The following CEP162 variants were observed in gnomAD, a reference collection of about 807,000 sequenced individuals.
The protein encoded by CEP162 is centrosomal protein of 162 kDa.
Under a neutral mutation model 169.2 loss-of-function variants are expected in CEP162, and 141 were observed. The ratio of observed to expected loss-of-function variants is 0.83; its 90% CI spans 0.73 to 0.96. The LOEUF (loss-of-function observed/expected upper bound fraction) is 0.96. CEP162 is among the 40% of genes least tolerant of loss of function. The pLI, the probability that CEP162 is intolerant of heterozygous loss-of-function variation, is 0.00. For missense variants in CEP162, 1,600 were observed against 1,587.2 expected (o/e 1.01, Z -0.14); for synonymous variants, 540 against 526.4 (o/e 1.03, Z -0.35).
intron 13 of CEP162, among the ~76,000 whole-genome samples, chr6:84,178,728 T>C (rs2099533438): frequency 6.6e-6 from 1 of 152,180 alleles, no homozygotes; most frequent in African/African-American, 2.4e-5. Context: ...GTTACATATG[T>C]ATACATGTTC....
Position 84,200,777 on chromosome 6 carries a change from A to G in CEP162, c.835+12T>C. ...ATATTTAGAGAACAGTCAGGTTTCT[A>G]AACATTTTTACCTGTTCCTGTCATT... is the stretch of plus-strand genomic sequence containing the variant. On this transcript the variant is annotated intron_variant, in intron 9 of 26. Coordinates refer to ENST00000403245, the MANE Select transcript of CEP162 (RefSeq NM_014895.4). 7.0e-7 allele frequency: 1 copy of G among 1,435,376 alleles called. No homozygotes were observed. Among genetic ancestry groups the G allele is most frequent in the Non-Finnish European group, 9.8e-7 (1 of 1,018,496 alleles). The allele number at this position is 1,435,376 out of a possible 1,614,324, so 88.9% of individuals were successfully genotyped here.
At chr6:84,135,540 C>T (rs1051433037) in intron 25 of CEP162, among the ~76,000 whole-genome samples, 2 of 152,152 alleles carry the variant, frequency 1.3e-5, no homozygotes, top group South Asian at 2.1e-4. Context: ...TTAAACTGAA[C>T]CACAAAATTA....
At chr6:84,177,461 T>C (rs1173392736) in intron 13 of CEP162, among the ~76,000 whole-genome samples, 1 of 152,204 alleles carries the variant, frequency 6.6e-6, no homozygotes, top group African/African-American at 2.4e-5. Flanking sequence ...AGGCCAGATC[T>C]GCTGGATGTT....
At chr6:84,207,706 TA>T (rs1008795462) in intron 6 of CEP162, among the ~76,000 whole-genome samples, 2 of 134,670 alleles carry the variant, frequency 1.5e-5, no homozygotes, top group Non-Finnish European at 3.0e-5. Context: ...CCCTAGAACT[TA>T]AAGTATAAAA....
intron 25 of CEP162, among the ~76,000 whole-genome samples, chr6:84,132,529 G>GACT: frequency 6.6e-6 from 1 of 152,222 alleles, no homozygotes; most frequent in South Asian, 2.1e-4. Context: ...TTTCTTGGAG[G>GACT]CTTTGTTCAT....
intron 6 of CEP162, among the ~76,000 whole-genome samples, chr6:84,211,631 A>G (rs975555696): frequency 5.3e-5 from 8 of 151,918 alleles, no homozygotes; most frequent in African/African-American, 1.9e-4. Context: ...TTCTATTGTG[A>G]ACAGTGAAGC....
intron 6 of CEP162, among the ~76,000 whole-genome samples, chr6:84,212,107 T>A (rs1209343490): frequency 6.6e-6 from 1 of 152,024 alleles, no homozygotes. Context: ...GCAGAGTATA[T>A]TTTCAGACAA....
chr6:84,215,637 A>T, intron 4 of CEP162, 139 bp downstream of exon 4: 1 of 1,250,598 alleles, frequency 8.0e-7, no homozygotes, highest in Non-Finnish European at 1.1e-6. Flanking sequence ...AAGCTTCTCT[A>T]GAATAATTCT....
chr6:84,187,192 C>T (rs143061578), intron 11 of CEP162, among the ~76,000 whole-genome samples: 56 of 152,056 alleles, frequency 3.7e-4, no homozygotes, highest in African/African-American at 1.3e-3. Flanking sequence ...TGGTTTAAAA[C>T]ACTTAAATGT....
rs2099525249 is a variant in CEP162 at position 84,160,311 on chromosome 6, A to G, written c.2781+501T>C. Among the ~76,000 whole-genome samples, 3 of 152,238 alleles carry G rather than the reference A, an allele frequency of 2.0e-5. No individual in the cohort carries two copies. In the South Asian group the frequency reaches 6.2e-4, roughly 32 times the overall value. ...TTCACTTTATGATTAAAGGTCTCCC[A>G]CACTGACCACAAAATGAGTATTTCT... is the stretch of plus-strand genomic sequence containing the variant. On this transcript the variant is annotated intron_variant, in intron 21 of 26. Coordinates refer to ENST00000403245, the MANE Select transcript of CEP162 (RefSeq NM_014895.4).
At chr6:84,196,356 C>T (rs1588852783) in intron 9 of CEP162, among the ~76,000 whole-genome samples, 2 of 152,206 alleles carry the variant, frequency 1.3e-5, no homozygotes, top group East Asian at 1.9e-4. Flanking sequence ...ATTCCCCAGC[C>T]ATGTGGAACT....
chr6:84,128,669 T>C (rs891873505), intron 25 of CEP162, among the ~76,000 whole-genome samples: 1 of 152,132 alleles, frequency 6.6e-6, no homozygotes, highest in Non-Finnish European at 1.5e-5. Flanking sequence ...ATAAAACACT[T>C]TGCACAGTTC....
intron 2 of CEP162, among the ~76,000 whole-genome samples, chr6:84,226,078 TAG>T (rs1341159880): frequency 2.0e-5 from 3 of 148,662 alleles, no homozygotes; most frequent in East Asian, 4.3e-4. Flanking sequence ...GGGAGACCAA[TAG>T]AGTCTTTTAC....
chr6:84,182,103 C>T (rs183492974), intron 13 of CEP162, among the ~76,000 whole-genome samples: 2 of 151,888 alleles, frequency 1.3e-5, no homozygotes, highest in African/African-American at 4.8e-5. Flanking sequence ...AAAGTGTAAT[C>T]TCATTCTTAT....
chr6:84,157,854 C>T (rs997831787), intron 21 of CEP162, among the ~76,000 whole-genome samples: 3 of 152,136 alleles, frequency 2.0e-5, no homozygotes, highest in African/African-American at 7.2e-5. Context: ...TTCCTAAGCA[C>T]CTGACTCTGC....
intron 23 of CEP162, among the ~76,000 whole-genome samples, chr6:84,151,827 G>C (rs796396559): frequency 2.0e-5 from 3 of 152,132 alleles, no homozygotes; most frequent in African/African-American, 7.2e-5. Context: ...AAATGAGGAA[G>C]GAGAAAATGC....
At chr6:84,153,710 C>T (rs1290662029) in intron 22 of CEP162, among the ~76,000 whole-genome samples, 2 of 152,276 alleles carry the variant, frequency 1.3e-5, no homozygotes, top group South Asian at 2.1e-4. Context: ...GAGGGAGGCA[C>T]GAGCAGTGTT....
chr6:84,189,026 CT>C (rs1429191368), intron 11 of CEP162, among the ~76,000 whole-genome samples: 1 of 151,564 alleles, frequency 6.6e-6, no homozygotes, highest in Non-Finnish European at 1.5e-5. Flanking sequence ...TGCACGTCTT[CT>C]TTTGAAAAAT....
chr6:84,124,632 T>G lies in CEP162; in HGVS notation c.*438A>C. On this transcript the variant is annotated 3_prime_UTR_variant, in exon 27 of 27. Coordinates refer to ENST00000403245, the MANE Select transcript of CEP162 (RefSeq NM_014895.4). ...GAAAAATTACCTGTTGGGTACAGTGTTTAATATTTGGATGATGGGTACACT... is the reference window on the plus strand; with the variant it reads ...GAAAAATTACCTGTTGGGTACAGTGGTTAATATTTGGATGATGGGTACACT... 4.7e-6 allele frequency: 1 copy of G among 211,054 alleles called. No homozygotes were observed. The allele number at this position is 211,054 out of a possible 1,614,324, so 13.1% of individuals were successfully genotyped here. A position where few individuals can be genotyped will look rare whatever the true frequency, so the allele number is the denominator to read the frequency against.
Sources: gnomAD v4.1 joint callset for allele counts (sites outside exome capture counted in the v4.1 genomes callset) on GRCh38, gnomAD v4.1.1 for gene constraint, MANE v1.5 for transcripts, NCBI Gene and HGNC (gene_info 2026-07-23, HGNC 2026-07-21) for gene names.